BMP7: variants seen among roughly 807,000 people sequenced by gnomAD.
BMP7 encodes the protein bone morphogenetic protein 7.
A neutral mutation model predicts 41.2 loss-of-function variants in BMP7; 12 were observed. That is an observed-to-expected ratio of 0.29 (90% CI 0.19 to 0.47). The LOEUF (loss-of-function observed/expected upper bound fraction) is 0.47, where lower values mean the gene tolerates loss of function less well. Among genes scored for constraint, BMP7 ranks in the 20% least tolerant of loss-of-function variants. The pLI is 0.99. For synonymous variants in BMP7, 248 were observed against 250.0 expected, an observed-to-expected ratio of 0.99 and a Z score of 0.07; for missense variants, 467 against 606.0, an observed-to-expected ratio of 0.77 and a Z score of 2.41.
At chr20:57,188,564 AT>A (rs888949097) in intron 3 of BMP7, among the ~76,000 whole-genome samples, 16 of 151,532 alleles carry the variant, frequency 1.1e-4, no homozygotes, top group African/African-American at 3.7e-4. Context: ...AAAAAAAAAA[AT>A]CACCAAATTG....
At chr20:57,207,438 G>C (rs1984757741) in intron 2 of BMP7, among the ~76,000 whole-genome samples, 1 of 152,286 alleles carries the variant, frequency 6.6e-6, no homozygotes, top group Admixed American at 6.5e-5. Flanking sequence ...CTAAATTCCT[G>C]AGCAATAAAA....
At position 57,170,694 on chromosome 20, in the gene BMP7, G is replaced by A. The variant is rs963115282; in HGVS notation, c.*265C>T. On this transcript the variant is annotated 3_prime_UTR_variant, in exon 7 of 7. Coordinates refer to ENST00000395863, the MANE Select transcript of BMP7 (RefSeq NM_001719.3). ...GACTTCCCAGCCAATGACCTGGCCC[G>A]GCCATTTTTCTTTATGCGTTGTTTT... 2.5e-5 allele frequency: 11 copies of A among 433,502 alleles called. No individual in the cohort carries two copies. The highest frequency in any genetic ancestry group is 6.1e-5 in the African/African-American group (3 of 49,494). 26.9% of individuals were successfully genotyped at this position (433,502 alleles called of 1,614,324 possible).
rs917949610 is a variant in BMP7, at chr20:57,171,450, A to G, written c.1147-342T>C. Among the ~76,000 whole-genome samples the G allele has an allele frequency of 6.6e-6, 1 of 152,204 alleles. No homozygotes were observed. The highest frequency in any genetic ancestry group is 2.4e-5 in the African/African-American group (1 of 41,446). The stretch of plus-strand genomic sequence containing the variant: ...AGTGTCCCTGACTTGGACCCACTAG[A>G]AGTGCTCCATCTTGCTCATGGACTT... On this transcript the variant is annotated intron_variant, in intron 6 of 6. Transcript: ENST00000395863. The surrounding 1 kb of genome is among the most constrained non-coding windows in gnomAD (Gnocchi z 4.5).
chr20:57,260,955 G>C (rs1224441732), intron 1 of BMP7, among the ~76,000 whole-genome samples: 2 of 152,200 alleles, frequency 1.3e-5, no homozygotes, highest in South Asian at 2.1e-4. Context: ...TGGGCAGATG[G>C]GGAAGGGTGG....
intron 5 of BMP7, 175 bp from the exon 6 acceptor site, chr20:57,173,485 C>T: frequency 7.2e-6 from 5 of 689,860 alleles, no homozygotes; most frequent in African/African-American, 1.8e-5. Flanking sequence ...GGTGGCCTCT[C>T]ATGGTCCCAA....
chr20:57,198,461 C>T (rs544122623), intron 3 of BMP7, among the ~76,000 whole-genome samples: 1 of 152,316 alleles, frequency 6.6e-6, no homozygotes, highest in East Asian at 1.9e-4. Flanking sequence ...ACCAGCCCAT[C>T]CCCAGGGAGA....
intron 1 of BMP7, among the ~76,000 whole-genome samples, chr20:57,238,082 A>C (rs1357093936): frequency 1.3e-5 from 2 of 152,178 alleles, no homozygotes; most frequent in Non-Finnish European, 2.9e-5. Flanking sequence ...TGCAACGCCA[A>C]AACTCTGTCC....
intron 1 of BMP7, among the ~76,000 whole-genome samples, chr20:57,239,437 T>C (rs2066060868): frequency 6.6e-6 from 1 of 152,200 alleles, no homozygotes; most frequent in South Asian, 2.1e-4. Context: ...CCCTCCCAGC[T>C]GCTTTCATGG....
At position 57,261,779 on chromosome 20, in the gene BMP7, C is replaced by T. The variant is rs1362710329; in HGVS notation, c.418+3926G>A. Among the ~76,000 whole-genome samples, 1 of 152,230 alleles carries T rather than the reference C, an allele frequency of 6.6e-6. No homozygotes were observed. On this transcript the variant is annotated intron_variant, in intron 1 of 6. Coordinates refer to ENST00000395863, the MANE Select transcript of BMP7 (RefSeq NM_001719.3). The surrounding 1 kb of genome is among the most constrained non-coding windows in gnomAD (Gnocchi z 4.1). ...CAGCTGCAAATGCCTGCAGTCCACG[C>T]TCCCCTTTGCGAAGCACTCCCTGAA...
chr20:57,188,958 C>T (rs923895636), intron 3 of BMP7, among the ~76,000 whole-genome samples: 12 of 152,214 alleles, frequency 7.9e-5, no homozygotes, highest in African/African-American at 2.2e-4. Flanking sequence ...CACAAGCTCT[C>T]GTGCTGCAAA....
chr20:57,193,576 A>T (rs1224021265), intron 3 of BMP7, among the ~76,000 whole-genome samples: 20 of 152,226 alleles, frequency 1.3e-4, no homozygotes. Context: ...GCATTGGCTT[A>T]TTCCAACCTG....
chr20:57,193,511 T>C (rs1811647412), intron 3 of BMP7, among the ~76,000 whole-genome samples: 1 of 152,196 alleles, frequency 6.6e-6, no homozygotes, highest in Admixed American at 6.5e-5. Flanking sequence ...CCCACTCACA[T>C]CACTATAACT....
At chr20:57,246,649 C>T (rs573142051) in intron 1 of BMP7, among the ~76,000 whole-genome samples, 1 of 152,312 alleles carries the variant, frequency 6.6e-6, no homozygotes, top group African/African-American at 2.4e-5. Flanking sequence ...ATAATAACTG[C>T]CCCACCTGAA....
intron 1 of BMP7, among the ~76,000 whole-genome samples, chr20:57,255,087 G>A (rs900887111): frequency 1.3e-5 from 2 of 151,844 alleles, no homozygotes; most frequent in Non-Finnish European, 2.9e-5. Context: ...ATCAGAACAC[G>A]GGACCACAGA....
chr20:57,239,141 C>T (rs910251666), intron 1 of BMP7, among the ~76,000 whole-genome samples: 2 of 152,168 alleles, frequency 1.3e-5, no homozygotes, highest in African/African-American at 4.8e-5. Flanking sequence ...AAAGCAAGTC[C>T]CTTCTGCCTA....
At chr20:57,201,731 A>G (rs1984624583) in intron 3 of BMP7, among the ~76,000 whole-genome samples, 1 of 152,274 alleles carries the variant, frequency 6.6e-6, no homozygotes, top group Non-Finnish European at 1.5e-5. Flanking sequence ...AATTTTAAGC[A>G]AAGTCAAGCT....
In BMP7 at chr20:57,224,736, C is replaced by T. The variant is rs527482565; in HGVS notation, c.611+3493G>A. The T allele has an allele frequency of 1.3e-5, 2 of 152,530 alleles. No individual in the cohort carries two copies. Among genetic ancestry groups the T allele is most frequent in the South Asian group, 4.1e-4 (2 of 4,826 alleles). The allele number at this position is 152,530 out of a possible 1,614,324, so 9.4% of individuals were successfully genotyped here. On this transcript the variant is annotated intron_variant, in intron 2 of 6. Coordinates refer to ENST00000395863, the MANE Select transcript of BMP7 (RefSeq NM_001719.3). The surrounding 1 kb of genome is among the most constrained non-coding windows in gnomAD (Gnocchi z 4.8). ...CTCACCCCAGCAAGGCCTCTGGAGCCAAGGCCACTGTCCCCAGACCTGCCT... is the reference window on the plus strand; with the variant it reads ...CTCACCCCAGCAAGGCCTCTGGAGCTAAGGCCACTGTCCCCAGACCTGCCT...
In BMP7 at chr20:57,183,831, G is replaced by A; in HGVS notation, c.849C>T (p.Ala283=). ...KQPFMVAFFK[A]TEVHFRSIRS... ...GGATGCTGCGGAAGTGGACCTCCGT[G>A]GCCTTGAAGAAAGCCACCATGAAGG... The change falls in exon 4 of 7, where the codon GCC becomes GCT. Residue 283 remains alanine, a synonymous_variant. Transcript: ENST00000395863. The A allele has an allele frequency of 6.2e-7, 1 of 1,614,198 alleles. No individual in the cohort carries two copies. The highest frequency in any genetic ancestry group is 8.5e-7 in the Non-Finnish European group (1 of 1,180,046).
At position 57,187,554 on chromosome 20, in the gene BMP7, CCTCTCT is replaced by C. The variant is rs140073062; in HGVS notation, c.761-3641_761-3636del. Among the ~76,000 whole-genome samples the C allele has an allele frequency of 1.9e-3, 271 of 144,102 alleles. 2 individuals are homozygous for C. The highest frequency in any genetic ancestry group is 5.7e-3 in the African/African-American group (221 of 38,652). 94.5% of individuals were successfully genotyped at this position (144,102 alleles called of 152,430 possible). On this transcript the variant is annotated intron_variant, in intron 3 of 6. Coordinates refer to ENST00000395863, the MANE Select transcript of BMP7 (RefSeq NM_001719.3). ...CTCTAGTGTCCAGAAGGAAGCCTGC[CCTCTCT>C]CTCTCTCTCTCTCTCTCTCTCTCTA...
Sources: allele counts gnomAD v4.1 joint callset (sites outside exome capture counted in the v4.1 genomes callset), GRCh38; gene constraint gnomAD v4.1.1; non-coding constraint Gnocchi (gnomAD v3.1); transcripts MANE v1.5; gene names NCBI Gene and HGNC (gene_info 2026-07-23, HGNC 2026-07-21).